Variants in SOX5 observed in about 807,000 individuals in gnomAD.
The protein encoded by SOX5 is SRY-box transcription factor 5.
A neutral mutation model predicts 92.0 loss-of-function variants in SOX5; 9 were observed. That is an observed-to-expected ratio of 0.10 (90% CI 0.06 to 0.17). The LOEUF (loss-of-function observed/expected upper bound fraction) is 0.17, where lower values mean the gene tolerates loss of function less well. Ranked by LOEUF, SOX5 falls within the 10% of genes least tolerant of loss-of-function variation. The probability of loss-of-function intolerance (pLI) is 1.00; values close to 1 mark genes in which losing one functional copy is unlikely to be tolerated. For missense variants in SOX5, 642 were observed against 944.5 expected, an observed-to-expected ratio of 0.68 and a Z score of 4.20; for synonymous variants, 344 against 336.3, an observed-to-expected ratio of 1.02 and a Z score of -0.25.
At chr12:24,247,124 C>T (rs934006155) in intron 3 of SOX5, among the ~76,000 whole-genome samples, 3 of 152,140 alleles carry the variant, frequency 2.0e-5, no homozygotes, top group African/African-American at 7.2e-5. Context: ...AAATATATTT[C>T]CTGAGTGCCT....
chr12:23,793,476 A>G (rs1302008080), intron 3 of SOX5, among the ~76,000 whole-genome samples: 1 of 152,202 alleles, frequency 6.6e-6, no homozygotes, highest in East Asian at 1.9e-4. Context: ...CAGCACATGA[A>G]TATTTAAGAA....
chr12:24,093,530 AAAAAACAAAAAC>A (rs1040324566), intron 4 of SOX5, among the ~76,000 whole-genome samples: 2 of 151,666 alleles, frequency 1.3e-5, no homozygotes, highest in Non-Finnish European at 2.9e-5. Context: ...CTCAAAAAAA[AAAAAACAAAAAC>A]AAAAACAAAA....
At chr12:23,563,214 T>C in intron 11 of SOX5, 44 bp downstream of exon 11, 1 of 1,481,188 alleles carries the variant, frequency 6.8e-7, no homozygotes, top group Non-Finnish European at 9.3e-7. Context: ...CATTAGGCAA[T>C]TTAATTAAGT....
At chr12:24,440,314 A>G (rs1201280584) in intron 1 of SOX5, among the ~76,000 whole-genome samples, 1 of 152,092 alleles carries the variant, frequency 6.6e-6, no homozygotes, top group Non-Finnish European at 1.5e-5. Flanking sequence ...TGCTGAGGTT[A>G]TCTTCCTCCT....
At chr12:24,321,482 C>T (rs1329801846) in intron 2 of SOX5, among the ~76,000 whole-genome samples, 4 of 152,074 alleles carry the variant, frequency 2.6e-5, no homozygotes, top group African/African-American at 9.7e-5. Context: ...TGTTTAAATG[C>T]TTACTATATA....
intron 4 of SOX5, among the ~76,000 whole-genome samples, chr12:24,153,342 G>C (rs1189066974): frequency 1.3e-5 from 2 of 152,100 alleles, no homozygotes; most frequent in African/African-American, 4.8e-5. Context: ...GATAAAGCAA[G>C]ACCAGATTTA....
chr12:24,372,301 G>A (rs1316834330), intron 1 of SOX5, among the ~76,000 whole-genome samples: 1 of 151,922 alleles, frequency 6.6e-6, no homozygotes, highest in African/African-American at 2.4e-5. Flanking sequence ...GCCCCCAACA[G>A]GCCCCAGTGT....
At chr12:23,978,856 A>G (rs1949203848) in intron 4 of SOX5, among the ~76,000 whole-genome samples, 1 of 152,184 alleles carries the variant, frequency 6.6e-6, no homozygotes, top group Non-Finnish European at 1.5e-5. Context: ...TTTAGACACT[A>G]TCCAGACAAT....
chr12:23,833,198 G>GGAA (rs1450486637), intron 3 of SOX5, among the ~76,000 whole-genome samples: 1 of 151,930 alleles, frequency 6.6e-6, no homozygotes, highest in Non-Finnish European at 1.5e-5. Flanking sequence ...AGGGAAGCTT[G>GGAA]GAAGACTAGA....
intron 1 of SOX5, among the ~76,000 whole-genome samples, chr12:24,469,769 G>C (rs981943080): frequency 6.6e-6 from 1 of 152,106 alleles, no homozygotes; most frequent in Non-Finnish European, 1.5e-5. Context: ...GTATCCACAG[G>C]GGAGGATGAA....
At chr12:24,036,639 C>A (rs1387994586) in intron 4 of SOX5, among the ~76,000 whole-genome samples, 1 of 152,118 alleles carries the variant, frequency 6.6e-6, no homozygotes, top group Non-Finnish European at 1.5e-5. Context: ...CTAAGGTTTG[C>A]TCTGCACCTG....
chr12:23,553,199 T>C (rs771374787), intron 11 of SOX5, among the ~76,000 whole-genome samples: 4 of 151,988 alleles, frequency 2.6e-5, no homozygotes, highest in Non-Finnish European at 5.9e-5. Flanking sequence ...TTTCAAATTA[T>C]GAAAAAAACA....
At chr12:24,213,732 A>C (rs1392166907) in intron 3 of SOX5, among the ~76,000 whole-genome samples, 1 of 152,004 alleles carries the variant, frequency 6.6e-6, no homozygotes. Context: ...ATTTCAAGAT[A>C]CAGCGACAAC....
intron 1 of SOX5, among the ~76,000 whole-genome samples, chr12:24,511,697 G>A (rs576939542): frequency 2.0e-5 from 3 of 152,080 alleles, no homozygotes; most frequent in South Asian, 4.2e-4. Flanking sequence ...AGTGGCTCAC[G>A]TCTGTAATCC....
At chr12:23,558,383 C>T (rs758589084) in intron 11 of SOX5, among the ~76,000 whole-genome samples, 3 of 152,130 alleles carry the variant, frequency 2.0e-5, no homozygotes, top group Non-Finnish European at 2.9e-5. Flanking sequence ...GAAATACCCC[C>T]GTATGAATGA....
At chr12:24,386,974 A>G (rs922143893) in intron 1 of SOX5, among the ~76,000 whole-genome samples, 4 of 152,230 alleles carry the variant, frequency 2.6e-5, no homozygotes, top group African/African-American at 9.6e-5. Flanking sequence ...AGGGCATATC[A>G]GTGGTTTATT....
At chr12:23,536,716 A>G in intron 13 of SOX5, 47 bp from the exon 14 acceptor site, 1 of 1,431,974 alleles carries the variant, frequency 7.0e-7, no homozygotes, top group African/African-American at 1.4e-5. Context: ...GCTTCTAAGC[A>G]TTCCAGAAAG....
intron 1 of SOX5, among the ~76,000 whole-genome samples, chr12:24,540,144 C>A (rs1043899755): frequency 6.6e-6 from 1 of 152,048 alleles, no homozygotes; most frequent in Non-Finnish European, 1.5e-5. Flanking sequence ...GATGTTCTCA[C>A]GTAAGGACCT....
chr12:23,885,966 C>T (rs1015806019), intron 2 of SOX5, among the ~76,000 whole-genome samples: 1 of 151,160 alleles, frequency 6.6e-6, no homozygotes, highest in Non-Finnish European at 1.5e-5. Flanking sequence ...AATGCCAGTA[C>T]AAATTATTAG....
Sources: allele counts gnomAD v4.1 joint callset (sites outside exome capture counted in the v4.1 genomes callset), GRCh38; gene constraint gnomAD v4.1.1; transcripts MANE v1.5; gene names NCBI Gene and HGNC (gene_info 2026-07-23, HGNC 2026-07-21).